Variants in DACH2 observed in about 807,000 individuals in gnomAD.
DACH2 encodes dachshund homolog 2.
Under a neutral mutation model 35.8 loss-of-function variants are expected in DACH2, and 17 were observed. The observed-to-expected ratio is 0.48, with a 90% CI of 0.33 to 0.71. The LOEUF (loss-of-function observed/expected upper bound fraction) is 0.71, where lower values mean the gene tolerates loss of function less well. DACH2 is among the 30% of genes least tolerant of loss of function. The pLI is 0.02. For synonymous variants in DACH2, 195 were observed against 177.3 expected (o/e 1.10, Z -0.79); for missense variants, 469 against 472.7 (o/e 0.99, Z 0.07).
intron 3 of DACH2, among the ~76,000 whole-genome samples, chrX:86,563,288 GC>G (rs2148325536): frequency 9.1e-6 from 1 of 109,698 alleles, no homozygotes; most frequent in East Asian, 2.9e-4. Flanking sequence ...TACAGTTATA[GC>G]ACCAATGAAG....
intron 4 of DACH2, among the ~76,000 whole-genome samples, chrX:86,683,294 T>C: frequency 9.4e-6 from 1 of 105,931 alleles, no homozygotes; most frequent in Non-Finnish European, 1.9e-5. Flanking sequence ...CTAGGATTAA[T>C]AATCAATGTT....
chrX:86,214,113 T>C (rs1016442467), intron 1 of DACH2, among the ~76,000 whole-genome samples: 5 of 111,242 alleles, frequency 4.5e-5, no homozygotes, highest in Non-Finnish European at 7.6e-5. Flanking sequence ...TCAACTCAAA[T>C]GTACCACAAC....
At chrX:86,650,811 A>C (rs1602740849) in intron 3 of DACH2, among the ~76,000 whole-genome samples, 1 of 111,139 alleles carries the variant, frequency 9.0e-6, no homozygotes, top group Admixed American at 9.7e-5. Context: ...AATTCAAGTT[A>C]ATTTTGGTTT....
At chrX:86,607,814 A>C (rs1371426392) in intron 3 of DACH2, among the ~76,000 whole-genome samples, 5 of 98,098 alleles carry the variant, frequency 5.1e-5, no homozygotes, top group Non-Finnish European at 6.0e-5. Flanking sequence ...CTCATTGTTC[A>C]ATTCTCACCT....
chrX:86,366,869 G>A (rs1003437661), intron 1 of DACH2, among the ~76,000 whole-genome samples: 4 of 110,603 alleles, frequency 3.6e-5, no homozygotes, highest in Non-Finnish European at 7.6e-5. Flanking sequence ...TAAGCTTCTG[G>A]AGGCCTCACC....
rs144753664 is a variant in DACH2, at chrX:86,742,750, A to T, written c.1240+2868A>T. 727 of 282,973 alleles carry T rather than the reference A, an allele frequency of 2.6e-3. 10 individuals are homozygous for T. Among genetic ancestry groups the T allele is most frequent in the African/African-American group, 0.018 (649 of 36,211 alleles). The allele number at this position is 282,973 out of a possible 1,213,427, so 23.3% of individuals were successfully genotyped here. A position where few individuals can be genotyped will look rare whatever the true frequency, so the allele number is the denominator to read the frequency against. On this transcript the variant is annotated intron_variant, in intron 7 of 11. Transcript: ENST00000373125. ...AGGTAAAATGATTTTTGCTTATTTG[A>T]TACACATATAATAATCAGATACTAA...
intron 7 of DACH2, among the ~76,000 whole-genome samples, chrX:86,743,142 T>C (rs755518976): frequency 2.7e-5 from 3 of 111,579 alleles, no homozygotes; most frequent in African/African-American, 9.7e-5. Context: ...AAAGTTATTT[T>C]AAAAATATGT....
intron 6 of DACH2, among the ~76,000 whole-genome samples, chrX:86,716,660 T>C (rs1311798228): frequency 8.9e-6 from 1 of 112,272 alleles, no homozygotes; most frequent in East Asian, 2.8e-4. Flanking sequence ...TTTTCATAAA[T>C]ACCATATTTA....
chrX:86,705,063 A>ATATATATATCTCACATATATATATATC, intron 5 of DACH2, among the ~76,000 whole-genome samples: 1 of 104,649 alleles, frequency 9.6e-6, no homozygotes, highest in Middle Eastern at 4.9e-3. Context: ...ATATATATAT[A>ATATATATATCTCACATATATATATATC]TATCTCACAT....
At chrX:86,233,476 T>C (rs1398980411) in intron 1 of DACH2, among the ~76,000 whole-genome samples, 2 of 112,346 alleles carry the variant, frequency 1.8e-5, no homozygotes, top group East Asian at 2.8e-4. Context: ...AGAATGCAAC[T>C]CTTTTGGACC....
At chrX:86,459,813 A>T (rs759970631) in intron 2 of DACH2, among the ~76,000 whole-genome samples, 20 of 110,858 alleles carry the variant, frequency 1.8e-4, no homozygotes, top group African/African-American at 6.5e-4. Context: ...CTTTACTCAA[A>T]TTCTCTTTGA....
At chrX:86,333,104 A>AACG (rs2035241477) in intron 1 of DACH2, among the ~76,000 whole-genome samples, 1 of 111,283 alleles carries the variant, frequency 9.0e-6, no homozygotes, top group Admixed American at 9.6e-5. Flanking sequence ...TCTAGGGATA[A>AACG]ACGACTGTAT....
At chrX:86,458,739 G>C (rs1486901811) in intron 2 of DACH2, among the ~76,000 whole-genome samples, 1 of 111,758 alleles carries the variant, frequency 8.9e-6, no homozygotes, top group Admixed American at 9.6e-5. Flanking sequence ...AATATTCTTT[G>C]AGGATAAGTG....
chrX:86,444,754 G>A (rs1469374340), intron 2 of DACH2, among the ~76,000 whole-genome samples: 2 of 109,446 alleles, frequency 1.8e-5, no homozygotes, highest in East Asian at 5.7e-4. Context: ...GATCTTTTGT[G>A]CTCTTTTATT....
chrX:86,539,868 T>A (rs2038857423), intron 3 of DACH2, among the ~76,000 whole-genome samples: 1 of 111,541 alleles, frequency 9.0e-6, no homozygotes, highest in South Asian at 3.7e-4. Context: ...TTACTATTAT[T>A]ATTAGGAAAA....
rs190131694 is a variant in DACH2, at chrX:86,304,001, A to G, written c.489-72823A>G. On this transcript the variant is annotated intron_variant, in intron 1 of 11. Coordinates refer to ENST00000373125, the MANE Select transcript of DACH2 (RefSeq NM_053281.3). ...AAAATATACTATAGTTATAGTAACC[A>G]AAACAGCATGCCATTGACATAAAAA... 4.1e-3 allele frequency among the ~76,000 whole-genome samples: 454 copies of G among 111,635 alleles called. 4 individuals carry two copies. Among genetic ancestry groups the G allele is most frequent in the African/African-American group, 0.013 (406 of 30,744 alleles).
chrX:86,202,494 G>A (rs768438314), intron 1 of DACH2, among the ~76,000 whole-genome samples: 1 of 111,506 alleles, frequency 9.0e-6, no homozygotes, highest in Non-Finnish European at 1.9e-5. Flanking sequence ...CCAGGAGAAA[G>A]TACAGATGTG....
At chrX:86,397,407 G>A (rs1380356331) in intron 2 of DACH2, among the ~76,000 whole-genome samples, 1 of 111,241 alleles carries the variant, frequency 9.0e-6, no homozygotes, top group Non-Finnish European at 1.9e-5. Context: ...AATTGCCCTG[G>A]CCAGAACTTC....
intron 3 of DACH2, among the ~76,000 whole-genome samples, chrX:86,614,568 G>C (rs376770763): frequency 4.5e-5 from 5 of 111,220 alleles, no homozygotes; most frequent in African/African-American, 1.6e-4. Context: ...TTGATATTCT[G>C]TTCAGTATCT....
Sources: allele counts gnomAD v4.1 joint callset (sites outside exome capture counted in the v4.1 genomes callset), GRCh38; gene constraint gnomAD v4.1.1; transcripts MANE v1.5; gene names NCBI Gene and HGNC (gene_info 2026-07-23, HGNC 2026-07-21).